CDH13: variants seen among roughly 807,000 people sequenced by gnomAD.
CDH13 encodes the protein cadherin 13.
Under a neutral mutation model 63.8 loss-of-function variants are expected in CDH13, and 24 were observed. The observed-to-expected ratio is 0.38, with a 90% CI of 0.27 to 0.53. The LOEUF (loss-of-function observed/expected upper bound fraction) is 0.53. Among genes scored for constraint, CDH13 ranks in the 20% least tolerant of loss-of-function variants. The pLI, the probability that CDH13 is intolerant of heterozygous loss-of-function variation, is 0.85. For synonymous variants in CDH13, 503 were observed against 355.3 expected, an observed-to-expected ratio of 1.42 and a Z score of -4.67; for missense variants, 1,049 against 903.1, an observed-to-expected ratio of 1.16 and a Z score of -2.07.
chr16:83,112,363 G>A (rs1341835065), intron 3 of CDH13, among the ~76,000 whole-genome samples: 2 of 152,114 alleles, frequency 1.3e-5, no homozygotes, highest in East Asian at 3.9e-4. Context: ...GCTTTGAGAG[G>A]GAGACAGAGA....
At chr16:83,223,380 T>C (rs1208022146) in intron 5 of CDH13, among the ~76,000 whole-genome samples, 2 of 152,208 alleles carry the variant, frequency 1.3e-5, no homozygotes, top group African/African-American at 4.8e-5. Flanking sequence ...AACCTACCCA[T>C]GAGGGTGGAA....
rs572859671 is a variant in CDH13, at chr16:82,895,681, G to A, written c.157+37208G>A. On this transcript the variant is annotated intron_variant, in intron 2 of 13. Transcript: ENST00000567109. Reference sequence around the variant, plus strand: ...AAACATTACATACTAGGAAAGGGACGCCTCTCCCTTTTTTTTTTTTTAAAG... The same window carrying A: ...AAACATTACATACTAGGAAAGGGACACCTCTCCCTTTTTTTTTTTTTAAAG... Among the ~76,000 whole-genome samples the A allele has an allele frequency of 2.1e-4, 22 of 103,862 alleles. No individual in the cohort carries two copies. The East Asian group carries it at 4.5e-3, about 21-fold the overall frequency. The allele number at this position is 103,862 out of a possible 152,430, so 68.1% of individuals were successfully genotyped here. A position where few individuals can be genotyped will look rare whatever the true frequency, so the allele number is the denominator to read the frequency against.
chr16:82,872,096 C>T lies in CDH13; in HGVS notation c.157+13623C>T, dbSNP rs190139612. On this transcript the variant is annotated intron_variant, in intron 2 of 13. Transcript: ENST00000567109. ...CTGGGCTGGCAAAAGTCAGACAGTC[C>T]GTTCTAAGGGTATTGTGCTCTGTTG... Among the ~76,000 whole-genome samples the T allele has an allele frequency of 3.9e-3, 595 of 152,290 alleles. 4 individuals carry two copies. The highest frequency in any genetic ancestry group is 0.014 in the African/African-American group (567 of 41,558).
intron 3 of CDH13, among the ~76,000 whole-genome samples, chr16:83,083,918 C>T (rs2033419091): frequency 1.3e-5 from 2 of 152,178 alleles, no homozygotes. Context: ...AGAAAGATAG[C>T]TCCAGGTAAG....
intron 7 of CDH13, among the ~76,000 whole-genome samples, chr16:83,575,910 A>G (rs944961769): frequency 1.3e-5 from 2 of 152,158 alleles, no homozygotes; most frequent in Non-Finnish European, 2.9e-5. Context: ...AGTACTCTTT[A>G]TTGTATTTTT....
Position 82,870,349 on chromosome 16 carries a change from C to G in CDH13, c.157+11876C>G, listed in dbSNP as rs140220523. 9.4e-3 allele frequency among the ~76,000 whole-genome samples: 1,428 copies of G among 152,086 alleles called. 25 individuals carry two copies. Among genetic ancestry groups the G allele is most frequent in the African/African-American group, 0.033 (1,351 of 41,466 alleles). ...GGTGAGGGGGTGGAGAAAAGGAAACCCTCATACACTGTTGGTGGGAATGTA... is the reference window on the plus strand; with the variant it reads ...GGTGAGGGGGTGGAGAAAAGGAAACGCTCATACACTGTTGGTGGGAATGTA... On this transcript the variant is annotated intron_variant, in intron 2 of 13. Transcript: ENST00000567109.
chr16:83,715,258 A>G (rs540245533), intron 10 of CDH13, among the ~76,000 whole-genome samples: 3 of 152,114 alleles, frequency 2.0e-5, no homozygotes, highest in South Asian at 2.1e-4. Flanking sequence ...CGCAAAGTCT[A>G]TTTTCCCATC....
chr16:82,760,687 A>G (rs1446638357), intron 1 of CDH13, among the ~76,000 whole-genome samples: 1 of 152,172 alleles, frequency 6.6e-6, no homozygotes, highest in African/African-American at 2.4e-5. Flanking sequence ...CGTAATATTT[A>G]CAGAAACGAG....
chr16:82,792,236 G>T (rs935526642), intron 1 of CDH13, among the ~76,000 whole-genome samples: 9 of 152,092 alleles, frequency 5.9e-5, no homozygotes, highest in African/African-American at 1.9e-4. Context: ...TTCCTGCCGC[G>T]TGGGCTGAAC....
chr16:83,777,471 G>A (rs568744131), intron 11 of CDH13, among the ~76,000 whole-genome samples: 299 of 152,314 alleles, frequency 2.0e-3, no homozygotes, highest in South Asian at 3.7e-3. Context: ...ATTGCCTTCC[G>A]GGTTCTGTGA....
intron 1 of CDH13, among the ~76,000 whole-genome samples, chr16:82,836,460 T>C (rs73606881): frequency 1.5e-3 from 229 of 152,246 alleles, no homozygotes; most frequent in African/African-American, 5.4e-3. Flanking sequence ...AAGACGTAAT[T>C]ATTAAAATTA....
chr16:82,872,650 G>A (rs1358256520), intron 2 of CDH13, among the ~76,000 whole-genome samples: 1 of 152,130 alleles, frequency 6.6e-6, no homozygotes, highest in African/African-American at 2.4e-5. Context: ...TAATGTTGAT[G>A]GAAATTTTTT....
chr16:83,749,168 G>A (rs1336174330), intron 11 of CDH13, among the ~76,000 whole-genome samples: 1 of 152,190 alleles, frequency 6.6e-6, no homozygotes, highest in African/African-American at 2.4e-5. Flanking sequence ...TATGGCTAAA[G>A]ATTCAGTTTT....
chr16:83,034,588 A>G (rs1001746003), intron 3 of CDH13, among the ~76,000 whole-genome samples: 1 of 152,234 alleles, frequency 6.6e-6, no homozygotes, highest in Admixed American at 6.5e-5. Flanking sequence ...ACAATGTTCC[A>G]TAGAAACATG....
intron 2 of CDH13, among the ~76,000 whole-genome samples, chr16:82,936,450 C>T (rs993233155): frequency 6.6e-6 from 1 of 151,982 alleles, no homozygotes; most frequent in Admixed American, 6.6e-5. Context: ...CAGTTTCAAC[C>T]CGAATCCACC....
intron 6 of CDH13, among the ~76,000 whole-genome samples, chr16:83,392,784 G>A (rs1280239166): frequency 4.6e-5 from 7 of 152,042 alleles, no homozygotes; most frequent in East Asian, 1.9e-4. Context: ...TAAATTATGC[G>A]GTGCCATCTT....
intron 3 of CDH13, among the ~76,000 whole-genome samples, chr16:83,066,207 A>AGTTCTTCTCAACT (rs2031996545): frequency 6.6e-6 from 1 of 152,222 alleles, no homozygotes. Context: ...CTACATGGTG[A>AGTTCTTCTCAACT]TGATGAGTTC....
chr16:83,563,911 A>C (rs2150692580), intron 7 of CDH13, among the ~76,000 whole-genome samples: 1 of 152,310 alleles, frequency 6.6e-6, no homozygotes, highest in East Asian at 1.9e-4. Context: ...GTGAGTGCAC[A>C]TCCTGGAATC....
At chr16:83,099,713 A>G (rs9939271) in intron 3 of CDH13, among the ~76,000 whole-genome samples, 4,041 of 151,604 alleles carry the variant, frequency 0.027, 196 homozygotes, top group African/African-American at 0.092. Context: ...TTCTTTGCCA[A>G]TTACTTTACC....
Sources: gnomAD v4.1 joint callset for allele counts (sites outside exome capture counted in the v4.1 genomes callset) on GRCh38, gnomAD v4.1.1 for gene constraint, MANE v1.5 for transcripts, NCBI Gene and HGNC (gene_info 2026-07-23, HGNC 2026-07-21) for gene names.